TYK2: variants seen among roughly 807,000 people sequenced by gnomAD.
TYK2 encodes tyrosine kinase 2, also known as non-receptor tyrosine-protein kinase TYK2.
Under a neutral mutation model 130.9 loss-of-function variants are expected in TYK2, and 65 were observed. The ratio of observed to expected loss-of-function variants is 0.50; its 90% CI spans 0.41 to 0.61. TYK2 has a LOEUF of 0.61. Among genes scored for constraint, TYK2 ranks in the 20% least tolerant of loss-of-function variants. The pLI, the probability that TYK2 is intolerant of heterozygous loss-of-function variation, is 0.00. For synonymous variants in TYK2, 647 were observed against 658.9 expected, an observed-to-expected ratio of 0.98 and a Z score of 0.28; for missense variants, 1,378 against 1,610.7, an observed-to-expected ratio of 0.86 and a Z score of 2.47.
In TYK2 at chr19:10,350,624, C is replaced by T. The variant is rs558791520; in HGVS notation, c.*210G>A. ...TTTAAGGGCTGGATTAGTGCCCCTA[C>T]AAATGTTGGGTCCCTCAAGATCATG... On this transcript the variant is annotated 3_prime_UTR_variant, in exon 25 of 25. Coordinates refer to ENST00000525621, the MANE Select transcript of TYK2 (RefSeq NM_003331.5). 4.5e-5 allele frequency: 27 copies of T among 596,132 alleles called. No individual in the cohort carries two copies. Among genetic ancestry groups the T allele is most frequent in the Non-Finnish European group, 1.2e-5 (4 of 340,800 alleles). The allele number at this position is 596,132 out of a possible 1,614,324, so 36.9% of individuals were successfully genotyped here. A position where few individuals can be genotyped will look rare whatever the true frequency, so the allele number is the denominator to read the frequency against.
At chr19:10,376,746 G>A (rs997058565) in intron 3 of TYK2, among the ~76,000 whole-genome samples, 3 of 152,010 alleles carry the variant, frequency 2.0e-5, no homozygotes, top group African/African-American at 7.3e-5. Flanking sequence ...GGAATTACAG[G>A]TGCGCACCCC....
rs1380482598 is a variant in TYK2 at position 10,364,551 on chromosome 19, A to G, written c.1367+63T>C. On this transcript the variant is annotated intron_variant, in intron 9 of 24. Coordinates refer to ENST00000525621, the MANE Select transcript of TYK2 (RefSeq NM_003331.5). This position sits in a 1 kb window ranked among gnomAD's most constrained non-coding sequence, Gnocchi z 4.9. ...TACACACACACCCTGCACAGCCCCT[A>G]GGGCTCACAGTCTAGTTGGCACCCT... 1 of 1,584,776 alleles carries G rather than the reference A, an allele frequency of 6.3e-7. No homozygotes were observed. The highest frequency in any genetic ancestry group is 2.2e-5 in the East Asian group (1 of 44,728).
At chr19:10,360,646 G>A (rs932084828) in intron 14 of TYK2, among the ~76,000 whole-genome samples, 9 of 151,658 alleles carry the variant, frequency 5.9e-5, no homozygotes, top group African/African-American at 2.2e-4. Context: ...TCAGGGTGTC[G>A]GCCAGGGTCC....
In TYK2 at chr19:10,362,576, C is replaced by T; in HGVS notation, c.1449G>A (p.Leu483=). 1 of 1,554,654 alleles carries T rather than the reference C, an allele frequency of 6.4e-7. No individual in the cohort carries two copies. The highest frequency in any genetic ancestry group is 8.7e-7 in the Non-Finnish European group (1 of 1,148,698). The part of the protein sequence containing the change: ...IHWSTSHPYR[L]ILTVAQRSQA... ...GGCTACGCTGGGCCACTGTGAGGAT[C>T]AGGCGGTAGGGGTGGCTGGTGCTCC... The change falls in exon 10 of 25, where the codon CTG becomes CTA. Residue 483 remains leucine, a synonymous_variant. Transcript: ENST00000525621.
In TYK2 at chr19:10,361,979, T is replaced by C. The variant is rs1301746607; in HGVS notation, c.1774-24A>G. ...AGCTGCGGGATCATGTGGCACAGAA[T>C]ACCGCCATGGTGAAAGTTAGCAGCT... On this transcript the variant is annotated intron_variant, in intron 12 of 24. Coordinates refer to ENST00000525621, the MANE Select transcript of TYK2 (RefSeq NM_003331.5). This position sits in a 1 kb window ranked among gnomAD's most constrained non-coding sequence, Gnocchi z 4.0. 1.9e-6 allele frequency: 3 copies of C among 1,613,962 alleles called. No individual in the cohort carries two copies. The highest frequency in any genetic ancestry group is 2.2e-5 in the South Asian group (2 of 91,082).
Position 10,353,135 on chromosome 19 carries a change from CG to C in TYK2, c.3028-38del, listed in dbSNP as rs756407545. On this transcript the variant is annotated intron_variant, in intron 21 of 24. Transcript: ENST00000525621. The surrounding 1 kb of genome is among the most constrained non-coding windows in gnomAD (Gnocchi z 6.9). Reference sequence around the variant, plus strand: ...GCAGGGCTCGTGAGTTTCAGTGGGGCGGGGTTCGGCCGGGGGCGGCGGCAGG... The same window carrying C: ...GCAGGGCTCGTGAGTTTCAGTGGGGCGGGTTCGGCCGGGGGCGGCGGCAGG... The C allele has an allele frequency of 6.9e-7, 1 of 1,448,124 alleles. No homozygotes were observed. The highest frequency in any genetic ancestry group is 2.5e-5 in the East Asian group (1 of 40,072). 89.7% of individuals were successfully genotyped at this position (1,448,124 alleles called of 1,614,324 possible).
chr19:10,355,030 TAA>T (rs1195086102), intron 18 of TYK2, among the ~76,000 whole-genome samples: 25 of 131,364 alleles, frequency 1.9e-4, no homozygotes, highest in Non-Finnish European at 2.3e-4. Flanking sequence ...ACACTGTCTT[TAA>T]AAAAAAAAAA....
intron 2 of TYK2, among the ~76,000 whole-genome samples, chr19:10,378,856 TC>T (rs2042267782): frequency 6.6e-6 from 1 of 151,442 alleles, no homozygotes; most frequent in African/African-American, 2.4e-5. Context: ...TCTTATCTTA[TC>T]TTATCTTATC....
intron 3 of TYK2, among the ~76,000 whole-genome samples, chr19:10,372,484 A>ATATATTT (rs1390400916): frequency 9.6e-4 from 36 of 37,422 alleles, no homozygotes; most frequent in Non-Finnish European, 1.6e-3. Context: ...ATATATATAT[A>ATATATTT]TTTTTTTTTT....
chr19:10,372,458 C>CTA (rs569826524), intron 3 of TYK2, among the ~76,000 whole-genome samples: 2,730 of 45,850 alleles, frequency 0.06, 277 homozygotes, highest in Non-Finnish European at 0.068. Flanking sequence ...CCACACACAG[C>CTA]TATATATATA....
At chr19:10,363,350 T>C (rs1169246887) in intron 9 of TYK2, among the ~76,000 whole-genome samples, 1 of 152,004 alleles carries the variant, frequency 6.6e-6, no homozygotes, top group Non-Finnish European at 1.5e-5. Context: ...CAGCTAATTT[T>C]TGTGTTTTCT....
chr19:10,375,075 G>A (rs1434479046), intron 3 of TYK2, among the ~76,000 whole-genome samples: 1 of 151,926 alleles, frequency 6.6e-6, no homozygotes, highest in African/African-American at 2.4e-5. Context: ...GACTGAGGCA[G>A]GAAAATCACT....
chr19:10,359,084 T>TG (rs2041258860), intron 15 of TYK2, 91 bp downstream of exon 15: 6 of 1,494,704 alleles, frequency 4.0e-6, no homozygotes, highest in South Asian at 3.5e-5. Flanking sequence ...ACAAAAAAGA[T>TG]GGGGTCTCGC....
At chr19:10,351,687 T>G (rs1050227844) in intron 23 of TYK2, among the ~76,000 whole-genome samples, 16 of 152,196 alleles carry the variant, frequency 1.1e-4, no homozygotes, top group African/African-American at 3.4e-4. Context: ...AGAGTAAGCG[T>G]GAGTCAGGTG....
chr19:10,350,619 C>T lies in TYK2; in HGVS notation c.*215G>A. 2 of 580,086 alleles carry T rather than the reference C, an allele frequency of 3.4e-6. No individual in the cohort carries two copies. The highest frequency in any genetic ancestry group is 1.9e-5 in the African/African-American group (1 of 53,716). The allele number at this position is 580,086 out of a possible 1,614,324, so 35.9% of individuals were successfully genotyped here. A position where few individuals can be genotyped will look rare whatever the true frequency, so the allele number is the denominator to read the frequency against. On this transcript the variant is annotated 3_prime_UTR_variant, in exon 25 of 25. Transcript: ENST00000525621. ...GGGGATTTAAGGGCTGGATTAGTGC[C>T]CCTACAAATGTTGGGTCCCTCAAGA...
At position 10,361,660 on chromosome 19, in the gene TYK2, C is replaced by T. The variant is rs1036513200; in HGVS notation, c.1960-62G>A. The T allele has an allele frequency of 6.6e-5, 103 of 1,568,810 alleles. 1 individual carries two copies. Among genetic ancestry groups the T allele is most frequent in the East Asian group, 3.2e-4 (14 of 43,138 alleles). Reference sequence around the variant, plus strand: ...GACCCCTCCCATCCCACCTCCTCCACGGACACACCCCTCCCATCCCACCTC... The same window carrying T: ...GACCCCTCCCATCCCACCTCCTCCATGGACACACCCCTCCCATCCCACCTC... On this transcript the variant is annotated intron_variant, in intron 13 of 24. Transcript: ENST00000525621. This position sits in a 1 kb window ranked among gnomAD's most constrained non-coding sequence, Gnocchi z 4.0.
In TYK2 at chr19:10,354,106, A is replaced by G. The variant is rs1188541269; in HGVS notation, c.2844T>C (p.Ile948=). 1.9e-6 allele frequency: 3 copies of G among 1,614,078 alleles called. No homozygotes were observed. The highest frequency in any genetic ancestry group is 2.5e-6 in the Non-Finnish European group (3 of 1,180,022). Reference sequence around the variant, plus strand: ...CGTGGTAGAGCGTGCGCAGAATGTCAATCTCCTGCTTCCAGCCCGAGCGGT... The same window carrying G: ...CGTGGTAGAGCGTGCGCAGAATGTCGATCTCCTGCTTCCAGCCCGAGCGGT... The part of the protein sequence containing the change: ...PQHRSGWKQE[I]DILRTLYHEH... Residue 948 remains isoleucine (I), a synonymous_variant, in exon 20 of 25, where the codon ATT becomes ATC. Transcript: ENST00000525621.
intron 17 of TYK2, chr19:10,357,153 C>G (rs1212678525): frequency 1.6e-5 from 6 of 381,336 alleles, no homozygotes; most frequent in Non-Finnish European, 2.9e-5. Context: ...CTTTGGGAGG[C>G]CGAGGTGGGC....
intron 3 of TYK2, among the ~76,000 whole-genome samples, chr19:10,377,324 G>GTGGA (rs59020787): frequency 0.096 from 12,974 of 135,418 alleles, 626 homozygotes; most frequent in Middle Eastern, 0.14. Context: ...GAATGAACGG[G>GTGGA]TGGATGGATG....
Sources: gnomAD v4.1 joint callset for allele counts (sites outside exome capture counted in the v4.1 genomes callset) on GRCh38, gnomAD v4.1.1 for gene constraint, Gnocchi (gnomAD v3.1) non-coding constraint, MANE v1.5 for transcripts, NCBI Gene and HGNC (gene_info 2026-07-23, HGNC 2026-07-21) for gene names.